Variants in SORBS2 observed in about 807,000 individuals in gnomAD.
SORBS2 encodes sorbin and SH3 domain containing 2.
SORBS2 carries 46 observed loss-of-function variants against 97.7 expected under a neutral mutation model. The observed-to-expected ratio is 0.47, with a 90% CI of 0.37 to 0.60. The LOEUF is 0.60. Among genes scored for constraint, SORBS2 ranks in the 20% least tolerant of loss-of-function variants. The pLI, the probability that SORBS2 is intolerant of heterozygous loss-of-function variation, is 0.00. For missense variants in SORBS2, 1,316 were observed against 1,282.3 expected (o/e 1.03, Z -0.40); for synonymous variants, 476 against 473.4 (o/e 1.01, Z -0.07).
chr4:185,804,978 T>A (rs946979308), intron 1 of SORBS2, among the ~76,000 whole-genome samples: 2 of 152,134 alleles, frequency 1.3e-5, no homozygotes, highest in Admixed American at 1.3e-4. Flanking sequence ...ATTTTATAAC[T>A]CTGGATTTAA....
At chr4:185,696,978 A>G (rs1233404213) in intron 2 of SORBS2, among the ~76,000 whole-genome samples, 1 of 152,332 alleles carries the variant, frequency 6.6e-6, no homozygotes, top group East Asian at 1.9e-4. Context: ...GCACCTTATC[A>G]AAGAGACATG....
At chr4:185,642,567 C>A (rs905271997) in intron 4 of SORBS2, among the ~76,000 whole-genome samples, 1 of 152,138 alleles carries the variant, frequency 6.6e-6, no homozygotes, top group African/African-American at 2.4e-5. Context: ...CAGTTCAAGG[C>A]AAATTCCTGG....
intron 1 of SORBS2, among the ~76,000 whole-genome samples, chr4:185,787,755 C>T (rs1405730391): frequency 1.3e-5 from 2 of 152,134 alleles, no homozygotes; most frequent in African/African-American, 4.8e-5. Flanking sequence ...GCAGGTTTCC[C>T]GTATTGTTCC....
At chr4:185,624,492 C>T in exon 7 of SORBS2, 1 of 1,600,140 alleles carries the variant, frequency 6.2e-7, no homozygotes, top group Non-Finnish European at 8.5e-7. Context: ...CTATCATCCC[C>T]ACCTTTTAAT....
chr4:185,795,736 T>G (rs1484579844), intron 1 of SORBS2, among the ~76,000 whole-genome samples: 1 of 152,252 alleles, frequency 6.6e-6, no homozygotes, highest in Non-Finnish European at 1.5e-5. Context: ...TCTTTGCTGC[T>G]CAATATATTT....
intron 4 of SORBS2, 150 bp downstream of exon 14, chr4:185,638,727 C>T (rs763824997): frequency 4.7e-6 from 3 of 635,002 alleles, no homozygotes; most frequent in Non-Finnish European, 7.4e-6. Flanking sequence ...CATTGGGGGG[C>T]TCTCAGGGGC....
At chr4:185,927,759 A>C (rs1272766533) in intron 1 of SORBS2, among the ~76,000 whole-genome samples, 1 of 152,180 alleles carries the variant, frequency 6.6e-6, no homozygotes, top group Admixed American at 6.5e-5. Context: ...TTAATTTGTC[A>C]AATATGTCAT....
chr4:185,941,155 G>A (rs1293806016), intron 1 of SORBS2, among the ~76,000 whole-genome samples: 5 of 152,146 alleles, frequency 3.3e-5, no homozygotes, highest in African/African-American at 7.2e-5. Context: ...GACTTACCAC[G>A]TGCCGGACAC....
intron 1 of SORBS2, among the ~76,000 whole-genome samples, chr4:185,837,827 G>A (rs143753545): frequency 2.0e-5 from 3 of 150,414 alleles, no homozygotes; most frequent in Non-Finnish European, 4.4e-5. Flanking sequence ...ATCCCCAAAG[G>A]CATAATTTCT....
intron 1 of SORBS2, among the ~76,000 whole-genome samples, chr4:185,930,338 A>T (rs1579548505): frequency 6.6e-6 from 1 of 152,108 alleles, no homozygotes; most frequent in East Asian, 1.9e-4. Flanking sequence ...ACTGTCTCCC[A>T]GGCTGGAGTG....
intron 1 of SORBS2, among the ~76,000 whole-genome samples, chr4:185,879,461 A>G (rs1307296699): frequency 6.6e-6 from 1 of 152,154 alleles, no homozygotes; most frequent in Non-Finnish European, 1.5e-5. Context: ...GCTATTGTGA[A>G]TAGTGCTGCA....
chr4:185,915,791 T>C (rs1395985064), intron 1 of SORBS2, among the ~76,000 whole-genome samples: 4 of 152,114 alleles, frequency 2.6e-5, no homozygotes, highest in South Asian at 2.1e-4. Flanking sequence ...ATAAGTGCTC[T>C]GGATTAAAGG....
intron 14 of SORBS2, among the ~76,000 whole-genome samples, chr4:185,588,357 A>G (rs1171901963): frequency 1.3e-5 from 2 of 152,202 alleles, no homozygotes; most frequent in African/African-American, 2.4e-5. Flanking sequence ...GTTTAACCAC[A>G]CGCACAAATG....
At chr4:185,928,575 T>TTGCTCTGTTGCCCAGGCTGGAG (rs2099264864) in intron 1 of SORBS2, among the ~76,000 whole-genome samples, 1 of 152,068 alleles carries the variant, frequency 6.6e-6, no homozygotes. Flanking sequence ...AGACGGAGTT[T>TTGCTCTGTTGCCCAGGCTGGAG]TGCTCTGTTG....
At chr4:185,907,044 G>T (rs957454570) in intron 1 of SORBS2, among the ~76,000 whole-genome samples, 2 of 151,938 alleles carry the variant, frequency 1.3e-5, no homozygotes, top group Non-Finnish European at 2.9e-5. Flanking sequence ...GCTGAGGCAG[G>T]AGACCAGCTT....
intron 1 of SORBS2, among the ~76,000 whole-genome samples, chr4:185,778,418 T>C (rs1286709282): frequency 5.3e-5 from 8 of 149,882 alleles, no homozygotes; most frequent in South Asian, 2.1e-4. Flanking sequence ...CGGACCAACA[T>C]TAACGTCATC....
intron 12 of SORBS2, among the ~76,000 whole-genome samples, chr4:185,609,083 G>T (rs2096488370): frequency 6.6e-6 from 1 of 151,778 alleles, no homozygotes; most frequent in African/African-American, 2.4e-5. Flanking sequence ...TTCAGGACCT[G>T]GGCTGCTTAG....
chr4:185,801,950 G>A (rs28582258), intron 1 of SORBS2, among the ~76,000 whole-genome samples: 1,624 of 152,204 alleles, frequency 0.011, 30 homozygotes, highest in African/African-American at 0.036. Flanking sequence ...AGCACTGAGG[G>A]GGTGCCAAAT....
At chr4:185,820,237 C>T (rs2099195904) in intron 1 of SORBS2, among the ~76,000 whole-genome samples, 1 of 152,190 alleles carries the variant, frequency 6.6e-6, no homozygotes, top group South Asian at 2.1e-4. Flanking sequence ...GAAACAGGCA[C>T]TAGTGTCATC....
Sources: gnomAD v4.1 joint callset for allele counts (sites outside exome capture counted in the v4.1 genomes callset) on GRCh38, gnomAD v4.1.1 for gene constraint, MANE v1.5 for transcripts, NCBI Gene and HGNC (gene_info 2026-07-23, HGNC 2026-07-21) for gene names.